The following MFSD11 variants were observed in gnomAD, a reference collection of about 807,000 sequenced individuals.
MFSD11 encodes the protein UNC93-like protein MFSD11.
Under a neutral mutation model 53.5 loss-of-function variants are expected in MFSD11, and 36 were observed. That is an observed-to-expected ratio of 0.67 (90% CI 0.52 to 0.89). The LOEUF (loss-of-function observed/expected upper bound fraction) is 0.89, where lower values mean the gene tolerates loss of function less well. Ranked by LOEUF, MFSD11 falls within the 40% of genes least tolerant of loss-of-function variation. MFSD11 has a pLI of 0.00. For missense variants in MFSD11, 530 were observed against 543.9 expected, an observed-to-expected ratio of 0.97 and a Z score of 0.25; for synonymous variants, 186 against 184.9, an observed-to-expected ratio of 1.01 and a Z score of -0.05.
At chr17:76,780,368 C>T (rs955704090), downstream of MFSD11, among the ~76,000 whole-genome samples, 1 of 151,918 alleles carries the variant, frequency 6.6e-6, no homozygotes, top group Non-Finnish European at 1.5e-5. Context: ...CAGAGTCTCC[C>T]TATGTTGCTC....
rs1489961879 is a variant in MFSD11 at position 76,754,058 on chromosome 17, A to G, written c.653A>G (p.Asn218Ser). 1 of 1,613,244 alleles carries G rather than the reference A, an allele frequency of 6.2e-7. No individual in the cohort carries two copies. The highest frequency in any genetic ancestry group is 8.5e-7 in the Non-Finnish European group (1 of 1,179,364). ...TTTTATTTTCTCAGGTCTGCCCAGA[A>G]CAATCTGACAAAGGCAGTAGATGCT... is the stretch of plus-strand genomic sequence containing the variant. ...QDMEVNESAQ[N>S]NLTKAVDAFK... The change falls in exon 8 of 13, where the codon AAC (asparagine) becomes AGC (serine). Residue 218 changes from asparagine (N) to serine (S), a missense_variant. By Grantham distance (46) the Asn-to-Ser change is conservative. Transcript: ENST00000685175.
At chr17:76,759,254 A>C (rs868602108) in intron 8 of MFSD11, among the ~76,000 whole-genome samples, 42 of 152,010 alleles carry the variant, frequency 2.8e-4, no homozygotes, top group African/African-American at 9.2e-4. Flanking sequence ...AACTTGTCCC[A>C]AAAAAATAAA....
downstream of MFSD11, among the ~76,000 whole-genome samples, chr17:76,783,173 G>A (rs1248174913): frequency 6.0e-5 from 9 of 149,864 alleles, no homozygotes; most frequent in African/African-American, 2.2e-4. Context: ...AAAAAGAAAT[G>A]TGACAATGAA....
intron 9 of MFSD11, 31 bp downstream of exon 9, chr17:76,767,482 G>C (rs769870952): frequency 7.3e-7 from 1 of 1,361,616 alleles, no homozygotes; most frequent in South Asian, 1.2e-5. Context: ...ATTTTCTCTT[G>C]CTGCATAATG....
chr17:76,737,233 CCT>C (rs1343145453), upstream of MFSD11: 2 of 1,461,218 alleles, frequency 1.4e-6, no homozygotes, highest in African/African-American at 1.4e-5. Context: ...CGACGCCGCG[CCT>C]CTCAGGCAGT....
downstream of MFSD11, among the ~76,000 whole-genome samples, chr17:76,783,905 C>T (rs1161531861): frequency 6.6e-6 from 1 of 151,144 alleles, no homozygotes; most frequent in Admixed American, 6.6e-5. Context: ...AATAAGTCCC[C>T]ATTAATAGTC....
chr17:76,769,096 C>T (rs1431937251), intron 9 of MFSD11: 2 of 152,186 alleles, frequency 1.3e-5, no homozygotes, highest in African/African-American at 4.8e-5. Context: ...CACCTCTGCC[C>T]ATCTCCGCCT....
chr17:76,750,161 G>A (rs139651385), intron 7 of MFSD11, among the ~76,000 whole-genome samples: 44 of 152,042 alleles, frequency 2.9e-4, no homozygotes, highest in African/African-American at 9.2e-4. Context: ...TATTTTAGTC[G>A]TCTGTAGAGT....
rs557000394 is a variant in MFSD11 at position 76,762,872 on chromosome 17, C to CT, written c.683-4500dup. Among the ~76,000 whole-genome samples the CT allele has an allele frequency of 5.0e-3, 717 of 144,072 alleles. 9 individuals are homozygous for CT. The highest frequency in any genetic ancestry group is 0.011 in the African/African-American group (426 of 39,328). The allele number at this position is 144,072 out of a possible 152,430, so 94.5% of individuals were successfully genotyped here. A position where few individuals can be genotyped will look rare whatever the true frequency, so the allele number is the denominator to read the frequency against. Reference sequence around the variant, plus strand: ...CTATTTAGATAAACTCCCCACATTCCTTTTTTTTTTTTTTAAACTCCCCAC... The same window carrying CT: ...CTATTTAGATAAACTCCCCACATTCCTTTTTTTTTTTTTTTAAACTCCCCAC... On this transcript the variant is annotated intron_variant, in intron 8 of 12. Coordinates refer to ENST00000685175, the MANE Select transcript of MFSD11 (RefSeq NM_001242532.5).
At chr17:76,737,998 A>G (rs546168489), upstream of MFSD11, 9 of 301,602 alleles carry the variant, frequency 3.0e-5, no homozygotes, top group East Asian at 4.2e-4. Context: ...GCCTGGCCGC[A>G]GTGAGTCAGG....
upstream of MFSD11, chr17:76,737,308 G>T (rs549741156): frequency 3.5e-6 from 4 of 1,158,242 alleles, no homozygotes; most frequent in Admixed American, 2.9e-5. Flanking sequence ...GGGCTCCGCA[G>T]GCTAGCGCAC....
At chr17:76,737,279 G>C (rs2077557099), upstream of MFSD11, 1 of 1,362,204 alleles carries the variant, frequency 7.3e-7, no homozygotes, top group African/African-American at 1.5e-5. Flanking sequence ...GAAAGGCCTT[G>C]CCGCAGAACA....
intron 7 of MFSD11, among the ~76,000 whole-genome samples, chr17:76,747,098 A>AGC (rs2078620746): frequency 1.3e-5 from 2 of 152,052 alleles, no homozygotes; most frequent in Non-Finnish European, 2.9e-5. Flanking sequence ...AAGTCTTATT[A>AGC]TTTAAGAAAT....
At chr17:76,737,285 G>A (rs2077558402), upstream of MFSD11, 4 of 1,320,998 alleles carry the variant, frequency 3.0e-6, no homozygotes, top group East Asian at 5.1e-5. Context: ...CCTTGCCGCA[G>A]AACAGCACGG....
chr17:76,778,076 G>A, intron 12 of MFSD11, 112 bp from the exon 13 acceptor site: 1 of 963,992 alleles, frequency 1.0e-6, no homozygotes, highest in Non-Finnish European at 1.6e-6. Context: ...AGAATAGAAA[G>A]CACTGTGAGT....
At chr17:76,769,441 A>G (rs1240832631) in intron 9 of MFSD11, 3 of 216,658 alleles carry the variant, frequency 1.4e-5, no homozygotes, top group Non-Finnish European at 2.7e-5. Flanking sequence ...TCACATCGAG[A>G]GGGCTCCACC....
At chr17:76,755,808 ATATATTTTTTT>A (rs1323521123) in intron 8 of MFSD11, among the ~76,000 whole-genome samples, 14 of 26,306 alleles carry the variant, frequency 5.3e-4, no homozygotes, top group African/African-American at 1.8e-3. Context: ...ATATATATAT[ATATATTTTTTT>A]TTTTTTTTTT....
chr17:76,759,404 C>T (rs1361011102), intron 8 of MFSD11, among the ~76,000 whole-genome samples: 9 of 150,852 alleles, frequency 6.0e-5, no homozygotes, highest in African/African-American at 2.2e-4. Flanking sequence ...TGCCTCAATC[C>T]CCTGAGTAGC....
chr17:76,782,154 G>C (rs1158226337), downstream of MFSD11, among the ~76,000 whole-genome samples: 1 of 149,786 alleles, frequency 6.7e-6, no homozygotes, highest in Non-Finnish European at 1.5e-5. Context: ...TGGGGAGTTT[G>C]TTGCGCTTTT....
Sources: gnomAD v4.1 joint callset for allele counts (sites outside exome capture counted in the v4.1 genomes callset) on GRCh38, gnomAD v4.1.1 for gene constraint, MANE v1.5 for transcripts, NCBI Gene and HGNC (gene_info 2026-07-23, HGNC 2026-07-21) for gene names.